ADAMTS2: variants seen among roughly 807,000 people sequenced by gnomAD.
ADAMTS2 encodes the protein ADAM metallopeptidase with thrombospondin type 1 motif 2, also known as A disintegrin and metalloproteinase with thrombospondin motifs 2.
ADAMTS2 carries 50 observed loss-of-function variants against 123.0 expected under a neutral mutation model. The ratio of observed to expected loss-of-function variants is 0.41; its 90% CI spans 0.32 to 0.51. ADAMTS2 has a LOEUF of 0.51. Ranked by LOEUF, ADAMTS2 falls within the 20% of genes least tolerant of loss-of-function variation. The pLI is 0.35. For missense variants in ADAMTS2, 1,494 were observed against 1,705.2 expected (o/e 0.88, Z 2.18); for synonymous variants, 678 against 695.4 (o/e 0.98, Z 0.39).
Position 179,113,311 on chromosome 5 carries a change from TC to T in ADAMTS2, c.*555del. On this transcript the variant is annotated 3_prime_UTR_variant, in exon 22 of 22. Coordinates refer to ENST00000251582, the MANE Select transcript of ADAMTS2 (RefSeq NM_014244.5). ...AGTCAGCTCCAGGTGGGTGTGGCTG[TC>T]AGGGCGGCCATGGTCCCCAGCGGGC... 1 of 164,810 alleles carries T rather than the reference TC, an allele frequency of 6.1e-6. No homozygotes were observed. The highest frequency in any genetic ancestry group is 1.6e-4 in the South Asian group (1 of 6,326). The allele number at this position is 164,810 out of a possible 1,614,324, so 10.2% of individuals were successfully genotyped here.
In ADAMTS2 at chr5:179,317,374, T is replaced by G. The variant is rs937267013; in HGVS notation, c.534+26393A>C. 2.6e-5 allele frequency among the ~76,000 whole-genome samples: 4 copies of G among 152,156 alleles called. No homozygotes were observed. Among genetic ancestry groups the G allele is most frequent in the African/African-American group, 7.2e-5 (3 of 41,428 alleles). On this transcript the variant is annotated intron_variant, in intron 2 of 21. Transcript: ENST00000251582. The surrounding 1 kb of genome is among the most constrained non-coding windows in gnomAD (Gnocchi z 4.9). ...ATCCAAGCCTGCTCGGACGCTGCCC[T>G]TCTGACCCCGATTCCTGTCACCAAC... is the stretch of plus-strand genomic sequence containing the variant.
rs1042715165 is a variant in ADAMTS2 at position 179,175,094 on chromosome 5, C to T, written c.975+5978G>A. 6.1e-5 allele frequency among the ~76,000 whole-genome samples: 9 copies of T among 147,346 alleles called. No homozygotes were observed. Among genetic ancestry groups the T allele is most frequent in the African/African-American group, 1.8e-4 (7 of 39,098 alleles). Reference sequence around the variant, plus strand: ...GGAAGTCTCTTCCTTGCTTGGGTTCCGCAGCTGTCTCAGCCATTCTTGACT... The same window carrying T: ...GGAAGTCTCTTCCTTGCTTGGGTTCTGCAGCTGTCTCAGCCATTCTTGACT... On this transcript the variant is annotated intron_variant, in intron 5 of 21. Transcript: ENST00000251582. The surrounding 1 kb of genome is among the most constrained non-coding windows in gnomAD (Gnocchi z 4.1).
intron 4 of ADAMTS2, among the ~76,000 whole-genome samples, chr5:179,186,346 C>T (rs1764169503): frequency 6.6e-6 from 1 of 152,188 alleles, no homozygotes; most frequent in African/African-American, 2.4e-5. Context: ...CTTCTGCTGT[C>T]CAGCCTCTCA....
rs912251523 is a variant in ADAMTS2 at position 179,285,155 on chromosome 5, G to C, written c.535-12091C>G. 6.6e-6 allele frequency among the ~76,000 whole-genome samples: 1 copy of C among 152,194 alleles called. No individual in the cohort carries two copies. The highest frequency in any genetic ancestry group is 1.5e-5 in the Non-Finnish European group (1 of 68,028). On this transcript the variant is annotated intron_variant, in intron 2 of 21. Coordinates refer to ENST00000251582, the MANE Select transcript of ADAMTS2 (RefSeq NM_014244.5). This position sits in a 1 kb window ranked among gnomAD's most constrained non-coding sequence, Gnocchi z 4.9. ...TGGCATGACAGCTGTTAGGAAACGC[G>C]TAACAAAGGGTCAGCAGTGTTACGA...
Position 179,155,178 on chromosome 5 carries a change from G to A in ADAMTS2, c.1133-259C>T, listed in dbSNP as rs1763444635. Among the ~76,000 whole-genome samples the A allele has an allele frequency of 6.6e-6, 1 of 152,210 alleles. No individual in the cohort carries two copies. On this transcript the variant is annotated intron_variant, in intron 6 of 21. Transcript: ENST00000251582. This position sits in a 1 kb window ranked among gnomAD's most constrained non-coding sequence, Gnocchi z 5.1. ...TGCCTGTAACAGCCACACTGCAGCTGGGGCCCTCTGCTTAGTCAGATGTCA... is the reference window on the plus strand; with the variant it reads ...TGCCTGTAACAGCCACACTGCAGCTAGGGCCCTCTGCTTAGTCAGATGTCA...
At chr5:179,283,032 G>A (rs549635982) in intron 2 of ADAMTS2, among the ~76,000 whole-genome samples, 87 of 152,178 alleles carry the variant, frequency 5.7e-4, no homozygotes, top group Non-Finnish European at 9.4e-4. Flanking sequence ...CCTCGAGAGC[G>A]TCTGTCTCAG....
rs1303827803 is a variant in ADAMTS2 at position 179,234,147 on chromosome 5, G to C, written c.689-26432C>G. Among the ~76,000 whole-genome samples the C allele has an allele frequency of 6.6e-6, 1 of 152,096 alleles. No individual in the cohort carries two copies. Among genetic ancestry groups the C allele is most frequent in the Non-Finnish European group, 1.5e-5 (1 of 67,992 alleles). Reference sequence around the variant, plus strand: ...CTCAGGGCAGCTGGACTTCATGCAAGCTCTCTGCCAGAAGAGACCCTCTCC... The same window carrying C: ...CTCAGGGCAGCTGGACTTCATGCAACCTCTCTGCCAGAAGAGACCCTCTCC... On this transcript the variant is annotated intron_variant, in intron 3 of 21. Coordinates refer to ENST00000251582, the MANE Select transcript of ADAMTS2 (RefSeq NM_014244.5). This position sits in a 1 kb window ranked among gnomAD's most constrained non-coding sequence, Gnocchi z 4.7.
intron 2 of ADAMTS2, among the ~76,000 whole-genome samples, chr5:179,321,236 A>T (rs1199387844): frequency 6.7e-6 from 1 of 150,322 alleles, no homozygotes; most frequent in Non-Finnish European, 1.5e-5. Flanking sequence ...TCTGTGCTCG[A>T]GGCAGGGCCA....
intron 2 of ADAMTS2, among the ~76,000 whole-genome samples, chr5:179,283,618 T>C (rs1169347141): frequency 3.1e-5 from 3 of 97,774 alleles, no homozygotes; most frequent in Non-Finnish European, 6.4e-5. Flanking sequence ...TAAGAACAAA[T>C]ATATAACAAT....
chr5:179,290,569 G>A (rs529506377), intron 2 of ADAMTS2, among the ~76,000 whole-genome samples: 1 of 152,336 alleles, frequency 6.6e-6, no homozygotes, highest in African/African-American at 2.4e-5. Flanking sequence ...GAGGAAGCTG[G>A]GTGAAGGGCA....
intron 3 of ADAMTS2, among the ~76,000 whole-genome samples, chr5:179,214,862 G>A (rs189420176): frequency 4.5e-4 from 64 of 142,640 alleles, no homozygotes; most frequent in South Asian, 1.1e-3. Context: ...AATAATCTCC[G>A]TCGAATAATT....
chr5:179,253,856 G>A (rs1188832708), intron 3 of ADAMTS2, among the ~76,000 whole-genome samples: 2 of 152,072 alleles, frequency 1.3e-5, no homozygotes, highest in African/African-American at 4.8e-5. Context: ...CTGATCATCG[G>A]CTCCAGTCCA....
rs188405212 is a variant in ADAMTS2, at chr5:179,203,395, G to A, written c.891+4118C>T. Among the ~76,000 whole-genome samples, 9 of 152,354 alleles carry A rather than the reference G, an allele frequency of 5.9e-5. No homozygotes were observed. The East Asian group carries it at 1.5e-3, about 26-fold the overall frequency. On this transcript the variant is annotated intron_variant, in intron 4 of 21. Coordinates refer to ENST00000251582, the MANE Select transcript of ADAMTS2 (RefSeq NM_014244.5). ...CCTCACTGGGAGCCCAGTCCCAGCCGGCTGCTGCCACGTCTGTCCTTCCAT... is the reference window on the plus strand; with the variant it reads ...CCTCACTGGGAGCCCAGTCCCAGCCAGCTGCTGCCACGTCTGTCCTTCCAT...
At chr5:179,301,696 C>G (rs1390642871) in intron 2 of ADAMTS2, among the ~76,000 whole-genome samples, 2 of 152,288 alleles carry the variant, frequency 1.3e-5, no homozygotes, top group Admixed American at 1.3e-4. Context: ...TTGTGAACCA[C>G]TGGGCTTAAG....
chr5:179,115,893 C>A lies in ADAMTS2; in HGVS notation c.3179-1569G>T, dbSNP rs1014893023. Among the ~76,000 whole-genome samples the A allele has an allele frequency of 6.6e-6, 1 of 152,138 alleles. No individual in the cohort carries two copies. The highest frequency in any genetic ancestry group is 2.4e-5 in the African/African-American group (1 of 41,412). On this transcript the variant is annotated intron_variant, in intron 21 of 21. Transcript: ENST00000251582. This position sits in a 1 kb window ranked among gnomAD's most constrained non-coding sequence, Gnocchi z 4.4. ...CCACTGCTCCAGCCTGTAATTTTCC[C>A]TTAGAAGCTGGTGACAGACCACCAG...
chr5:179,158,778 G>A lies in ADAMTS2; in HGVS notation c.1077C>T (p.Tyr359=), dbSNP rs1763534262. ...GTGTGAGGAAGATGGCGTGATCGTGGTATTCATCGTGGCCCGTGTCTGGCT... is the reference window on the plus strand; with the variant it reads ...GTGTGAGGAAGATGGCGTGATCGTGATATTCATCGTGGCCCGTGTCTGGCT... ...QQKPDTGHDE[Y]HDHAIFLTRQ... is the part of the protein sequence containing the mutation. Residue 359 remains tyrosine (Y), a synonymous_variant, in exon 6 of 22, where the codon TAC becomes TAT. Transcript: ENST00000251582. This position sits in a 1 kb window ranked among gnomAD's most constrained non-coding sequence, Gnocchi z 5.0. The A allele has an allele frequency of 6.2e-7, 1 of 1,614,118 alleles. No homozygotes were observed. The highest frequency in any genetic ancestry group is 8.5e-7 in the Non-Finnish European group (1 of 1,180,048).
chr5:179,168,455 C>T (rs1186220994), intron 5 of ADAMTS2, among the ~76,000 whole-genome samples: 1 of 152,202 alleles, frequency 6.6e-6, no homozygotes, highest in African/African-American at 2.4e-5. Context: ...AGCCAGGGTC[C>T]TCACTGTCAA....
At chr5:179,209,522 G>GCACACACACACACACATGCA (rs112513570) in intron 3 of ADAMTS2, among the ~76,000 whole-genome samples, 1 of 151,126 alleles carries the variant, frequency 6.6e-6, no homozygotes, top group Non-Finnish European at 1.5e-5. Context: ...ACACACACAT[G>GCACACACACACACACATGCA]CACACACACA....
At position 179,128,238 on chromosome 5, in the gene ADAMTS2, T is replaced by G; in HGVS notation, c.2458-120A>C. 2 of 1,272,462 alleles carry G rather than the reference T, an allele frequency of 1.6e-6. No individual in the cohort carries two copies. The highest frequency in any genetic ancestry group is 1.9e-5 in the Admixed American group (1 of 51,356). 78.8% of individuals were successfully genotyped at this position (1,272,462 alleles called of 1,614,324 possible). On this transcript the variant is annotated intron_variant, in intron 16 of 21. Coordinates refer to ENST00000251582, the MANE Select transcript of ADAMTS2 (RefSeq NM_014244.5). This position sits in a 1 kb window ranked among gnomAD's most constrained non-coding sequence, Gnocchi z 4.9. ...AGTCTCATCATTCATGGCAGTTACA[T>G]TCCATGAAGTCGCCCCGAGCACCAA... is the stretch of plus-strand genomic sequence containing the variant.
Sources: allele counts gnomAD v4.1 joint callset (sites outside exome capture counted in the v4.1 genomes callset), GRCh38; gene constraint gnomAD v4.1.1; non-coding constraint Gnocchi (gnomAD v3.1); transcripts MANE v1.5; gene names NCBI Gene and HGNC (gene_info 2026-07-23, HGNC 2026-07-21).